The following CEP152 variants were observed in gnomAD, a reference collection of about 807,000 sequenced individuals.
CEP152 encodes the protein centrosomal protein of 152 kDa.
CEP152 carries 132 observed loss-of-function variants against 188.9 expected under a neutral mutation model. That is an observed-to-expected ratio of 0.70 (90% CI 0.61 to 0.81). The LOEUF (loss-of-function observed/expected upper bound fraction) is 0.81, where lower values mean the gene tolerates loss of function less well. Ranked by LOEUF, CEP152 falls within the 30% of genes least tolerant of loss-of-function variation. CEP152 has a pLI of 0.00. For missense variants in CEP152, 1,914 were observed against 1,969.8 expected (o/e 0.97, Z 0.54); for synonymous variants, 649 against 666.6 (o/e 0.97, Z 0.41).
At position 48,803,319 on chromosome 15, in the gene CEP152, T is replaced by TA. The variant is rs751403404; in HGVS notation, c.87+2243dup. 2.0e-4 allele frequency among the ~76,000 whole-genome samples: 31 copies of TA among 152,032 alleles called. No homozygotes were observed. The East Asian group carries it at 5.4e-3, about 27-fold the overall frequency. Reference sequence around the variant, plus strand: ...GCTGGGTCAGGAAGACTGAGACAGTTAAAAAAAACCTTCTAGATATGCATT... The same window carrying TA: ...GCTGGGTCAGGAAGACTGAGACAGTTAAAAAAAAACCTTCTAGATATGCATT... On this transcript the variant is annotated intron_variant, in intron 2 of 26. Coordinates refer to ENST00000380950, the MANE Select transcript of CEP152 (RefSeq NM_001194998.2).
intron 21 of CEP152, among the ~76,000 whole-genome samples, chr15:48,750,735 G>A (rs553372226): frequency 3.7e-4 from 57 of 152,102 alleles, no homozygotes; most frequent in South Asian, 1.9e-3. Flanking sequence ...AAAAAAGCAA[G>A]TTACAAAGAA....
chr15:48,745,931 T>C (rs983202966), intron 22 of CEP152, among the ~76,000 whole-genome samples: 1 of 152,130 alleles, frequency 6.6e-6, no homozygotes, highest in Non-Finnish European at 1.5e-5. Flanking sequence ...AATACCAATA[T>C]AAATGTGAAC....
chr15:48,799,907 A>G (rs931269249), intron 2 of CEP152, among the ~76,000 whole-genome samples: 4 of 152,206 alleles, frequency 2.6e-5, no homozygotes, highest in Non-Finnish European at 5.9e-5. Context: ...CACATGTTAC[A>G]CAAGGAAAAA....
chr15:48,800,834 C>T (rs1366821656), intron 2 of CEP152, among the ~76,000 whole-genome samples: 1 of 152,058 alleles, frequency 6.6e-6, no homozygotes, highest in East Asian at 1.9e-4. Flanking sequence ...TCCTTTTCTA[C>T]TTCATGTTTC....
At position 48,788,500 on chromosome 15, in the gene CEP152, AT is replaced by A. The variant is rs879363516; in HGVS notation, c.1173+300del. Among the ~76,000 whole-genome samples the A allele has an allele frequency of 3.7e-3, 521 of 140,166 alleles. 1 individual carries two copies. The highest frequency in any genetic ancestry group is 8.2e-3 in the East Asian group (40 of 4,870). 92.0% of individuals were successfully genotyped at this position (140,166 alleles called of 152,430 possible). A position where few individuals can be genotyped will look rare whatever the true frequency, so the allele number is the denominator to read the frequency against. ...AGGCACGCACCACTGCGCCCGGCTAATTTTTTTTTTTTTTTTGTATTTATAG... is the reference window on the plus strand; with the variant it reads ...AGGCACGCACCACTGCGCCCGGCTAATTTTTTTTTTTTTTTGTATTTATAG... On this transcript the variant is annotated intron_variant, in intron 9 of 26. Transcript: ENST00000380950.
chr15:48,782,163 A>C lies in CEP152; in HGVS notation c.1389T>G (p.Ser463Arg). The C allele has an allele frequency of 6.2e-7, 1 of 1,613,882 alleles. No individual in the cohort carries two copies. The highest frequency in any genetic ancestry group is 2.2e-5 in the East Asian group (1 of 44,872). The change falls in exon 11 of 27, where the codon AGT (serine) becomes AGG (arginine). Residue 463 changes from serine to arginine, a missense_variant. Physicochemically the swap from Ser to Arg is moderately radical, Grantham distance 110. Coordinates refer to ENST00000380950, the MANE Select transcript of CEP152 (RefSeq NM_001194998.2). ...CTTGCAAAGCCTTGTTCATGTTTGC[A>C]CTCATAGCATGTGCCTTCTGTGCTT... Reference protein sequence around the residue: ...LQQAQKAHAMSANMNKALQEE... With the variant: ...LQQAQKAHAMRANMNKALQEE...
Position 48,739,292 on chromosome 15 carries a change from T to C in CEP152, c.4094-4A>G. 2 of 1,609,850 alleles carry C rather than the reference T, an allele frequency of 1.2e-6. No homozygotes were observed. The highest frequency in any genetic ancestry group is 1.7e-6 in the Non-Finnish European group (2 of 1,179,036). On this transcript the variant is annotated splice_region_variant and splice_polypyrimidine_tract_variant and intron_variant, in intron 26 of 26. Transcript: ENST00000380950. ...ATCTCTGAAGTTAGGGGCAGTGCTA[T>C]TATGTGCAAGGAAACACGAAATTAA...
rs745358782 is a variant in CEP152 at position 48,797,530 on chromosome 15, A to T, written c.311T>A (p.Val104Asp). 1 of 1,614,092 alleles carries T rather than the reference A, an allele frequency of 6.2e-7. No homozygotes were observed. Among genetic ancestry groups the T allele is most frequent in the South Asian group, 1.1e-5 (1 of 91,084 alleles). ...SLYAGEKCGN[V>D]WEENRSKTED... ...AGTTTTACTTCTATTTTCTTCCCAG[A>T]CATTACCACATTTTTCTCCAGCATA... The change falls in exon 5 of 27, where the codon GTC becomes GAC. Residue 104 changes from valine to aspartate, a missense_variant. Transcript: ENST00000380950.
At chr15:48,807,133 A>G (rs1898030576) in intron 1 of CEP152, among the ~76,000 whole-genome samples, 2 of 152,192 alleles carry the variant, frequency 1.3e-5, no homozygotes, top group African/African-American at 4.8e-5. Flanking sequence ...AAAACCCTCC[A>G]GCCTCTGCTT....
chr15:48,744,167 ACT>A (rs1451672881), intron 24 of CEP152, 71 bp downstream of exon 24: 4 of 1,582,238 alleles, frequency 2.5e-6, no homozygotes, highest in Non-Finnish European at 3.4e-6. Context: ...CTGCTGGTAA[ACT>A]CTGAGTTTAC....
At chr15:48,771,176 G>A (rs929573721) in intron 13 of CEP152, among the ~76,000 whole-genome samples, 63 of 152,290 alleles carry the variant, frequency 4.1e-4, no homozygotes, top group African/African-American at 1.5e-3. Context: ...CAGCCCTAAA[G>A]ATCTCTGTGA....
rs189404576 is a variant in CEP152, at chr15:48,802,705, A to C, written c.87+2858T>G. Among the ~76,000 whole-genome samples, 21 of 152,278 alleles carry C rather than the reference A, an allele frequency of 1.4e-4. No homozygotes were observed. In the Middle Eastern group the frequency reaches 0.01, roughly 74 times the overall value. On this transcript the variant is annotated intron_variant, in intron 2 of 26. Transcript: ENST00000380950. ...CCACTGGTCTAAATATCCTCTAAAT[A>C]TTGAATAAAGTATTTACTAAATCCT... is the stretch of plus-strand genomic sequence containing the variant.
At chr15:48,752,588 ACTAT>A (rs1893957617) in intron 20 of CEP152, 119 bp from the exon 21 acceptor site, 1 of 1,470,686 alleles carries the variant, frequency 6.8e-7, no homozygotes, top group African/African-American at 1.4e-5. Context: ...TCTTGCCTGA[ACTAT>A]CTATCGCCAA....
At chr15:48,758,131 T>G (rs139155777) in intron 19 of CEP152, among the ~76,000 whole-genome samples, 1 of 152,358 alleles carries the variant, frequency 6.6e-6, no homozygotes, top group African/African-American at 2.4e-5. Flanking sequence ...CAGTATTTTT[T>G]AAAGATCCTC....
At chr15:48,741,507 A>C in intron 26 of CEP152, 94 bp downstream of exon 26, 1 of 1,605,426 alleles carries the variant, frequency 6.2e-7, no homozygotes, top group Admixed American at 1.7e-5. Context: ...ATTAACTCTC[A>C]CTCCTTACCT....
chr15:48,789,237 C>T (rs889266421), intron 8 of CEP152: 2 of 553,474 alleles, frequency 3.6e-6, no homozygotes, highest in Non-Finnish European at 6.4e-6. Flanking sequence ...TTGGTAGATA[C>T]CTGAGGGGAG....
At chr15:48,804,935 C>T (rs1476428339) in intron 2 of CEP152, among the ~76,000 whole-genome samples, 2 of 152,188 alleles carry the variant, frequency 1.3e-5, no homozygotes, top group Admixed American at 6.5e-5. Flanking sequence ...GGGTCTCTTC[C>T]CAACTTCCCA....
At chr15:48,784,160 A>C (rs751065381) in intron 9 of CEP152, 40 bp from the exon 10 acceptor site, 3 of 1,582,264 alleles carry the variant, frequency 1.9e-6, no homozygotes, top group Non-Finnish European at 2.6e-6. Context: ...TTTCATAAAG[A>C]GTTTTAATAA....
chr15:48,741,279 GC>G, intron 26 of CEP152: 1 of 1,181,104 alleles, frequency 8.5e-7, no homozygotes. Flanking sequence ...ACAGGTGTGA[GC>G]CATGATGCCT....
Sources: gnomAD v4.1 joint callset for allele counts (sites outside exome capture counted in the v4.1 genomes callset) on GRCh38, gnomAD v4.1.1 for gene constraint, MANE v1.5 for transcripts, NCBI Gene and HGNC (gene_info 2026-07-23, HGNC 2026-07-21) for gene names.